SPOCK1: variants seen among roughly 807,000 people sequenced by gnomAD.
SPOCK1 encodes the protein testican-1.
In SPOCK1, 23 loss-of-function variants were observed where a neutral mutation model predicts 55.3. The ratio of observed to expected loss-of-function variants is 0.42; its 90% CI spans 0.30 to 0.59. SPOCK1 has a LOEUF of 0.59. Ranked by LOEUF, SPOCK1 falls within the 20% of genes least tolerant of loss-of-function variation. The pLI is 0.22. For missense variants in SPOCK1, 499 were observed against 552.5 expected, an observed-to-expected ratio of 0.90 and a Z score of 0.97; for synonymous variants, 226 against 221.0, an observed-to-expected ratio of 1.02 and a Z score of -0.20.
chr5:137,104,098 C>A (rs1753318162), intron 5 of SPOCK1, among the ~76,000 whole-genome samples: 2 of 152,240 alleles, frequency 1.3e-5, no homozygotes, highest in South Asian at 4.1e-4. Flanking sequence ...GTGTTCCCAC[C>A]CAAATCTCCT....
intron 4 of SPOCK1, among the ~76,000 whole-genome samples, chr5:137,114,295 G>A (rs4976412): frequency 0.23 from 35,089 of 152,128 alleles, 4,428 homozygotes; most frequent in Non-Finnish European, 0.28. Context: ...ACCTAAAGTC[G>A]TGGAGCTGAT....
At chr5:137,498,970 G>C (rs1266907763) in intron 1 of SPOCK1, among the ~76,000 whole-genome samples, 2 of 151,724 alleles carry the variant, frequency 1.3e-5, no homozygotes, top group African/African-American at 4.8e-5. Context: ...AGCAGCACCC[G>C]AGCTCCGGCA....
At chr5:137,454,870 G>C (rs565946874) in intron 2 of SPOCK1, among the ~76,000 whole-genome samples, 1 of 152,322 alleles carries the variant, frequency 6.6e-6, no homozygotes, top group African/African-American at 2.4e-5. Context: ...TTAGATGCCA[G>C]CTTTTTGGAA....
intron 2 of SPOCK1, among the ~76,000 whole-genome samples, chr5:137,420,085 T>C (rs2149825314): frequency 6.6e-6 from 1 of 152,372 alleles, no homozygotes; most frequent in South Asian, 2.1e-4. Flanking sequence ...TCTGTTTATA[T>C]GCTGGATTAC....
At chr5:137,050,382 C>G (rs1458475804) in intron 6 of SPOCK1, among the ~76,000 whole-genome samples, 2 of 145,276 alleles carry the variant, frequency 1.4e-5, no homozygotes, top group Admixed American at 6.9e-5. Context: ...GCGCAATATT[C>G]GGGTGGGAGT....
chr5:137,003,688 A>T (rs535240495), intron 6 of SPOCK1, among the ~76,000 whole-genome samples: 1 of 152,300 alleles, frequency 6.6e-6, no homozygotes, highest in East Asian at 1.9e-4. Flanking sequence ...ATTATTGAAC[A>T]ATTTTAATTT....
chr5:137,087,553 T>G (rs1298855423), intron 5 of SPOCK1, among the ~76,000 whole-genome samples: 1 of 152,226 alleles, frequency 6.6e-6, no homozygotes, highest in Non-Finnish European at 1.5e-5. Flanking sequence ...GGTCTCTCAC[T>G]CTCAAAAATC....
intron 3 of SPOCK1, among the ~76,000 whole-genome samples, chr5:137,223,302 T>G (rs1455306756): frequency 7.3e-6 from 1 of 136,492 alleles, no homozygotes; most frequent in Non-Finnish European, 1.6e-5. Context: ...TAATGTGCTA[T>G]AACATGAAAA....
rs190290581 is a variant in SPOCK1, at chr5:137,208,529, A to T, written c.232+58481T>A. The stretch of plus-strand genomic sequence containing the variant: ...CACCATGAAATACTATGCAGCTCTT[A>T]AAAAGAATGAAATCACATATTTTGC... On this transcript the variant is annotated intron_variant, in intron 3 of 10. Coordinates refer to ENST00000394945, the MANE Select transcript of SPOCK1 (RefSeq NM_004598.4). Among the ~76,000 whole-genome samples the T allele has an allele frequency of 6.6e-5, 10 of 152,340 alleles. No individual in the cohort carries two copies. The East Asian group carries it at 1.9e-3, about 29-fold the overall frequency.
At chr5:137,262,826 T>C (rs938541909) in intron 3 of SPOCK1, among the ~76,000 whole-genome samples, 30 of 152,112 alleles carry the variant, frequency 2.0e-4, no homozygotes, top group Admixed American at 1.5e-3. Context: ...CAGAGTGGAA[T>C]GGGAAGAAAG....
chr5:137,288,052 A>T (rs896282359), intron 2 of SPOCK1, among the ~76,000 whole-genome samples: 1 of 152,234 alleles, frequency 6.6e-6, no homozygotes, highest in Non-Finnish European at 1.5e-5. Flanking sequence ...CAAATAAGTG[A>T]GCTGTAACAG....
chr5:137,228,657 A>G (rs577621113), intron 3 of SPOCK1, among the ~76,000 whole-genome samples: 2 of 152,144 alleles, frequency 1.3e-5, no homozygotes, highest in South Asian at 4.2e-4. Flanking sequence ...AATAAAAACA[A>G]AAGAAAACAA....
chr5:137,378,913 T>G (rs1221521653), intron 2 of SPOCK1, among the ~76,000 whole-genome samples: 1 of 152,112 alleles, frequency 6.6e-6, no homozygotes, highest in Non-Finnish European at 1.5e-5. Context: ...GGCTTGGAGA[T>G]AGCCATGGAG....
intron 2 of SPOCK1, among the ~76,000 whole-genome samples, chr5:137,350,491 G>A (rs1487148579): frequency 6.6e-6 from 1 of 152,172 alleles, no homozygotes; most frequent in African/African-American, 2.4e-5. Flanking sequence ...GGAGAGGGAT[G>A]AACTCATCTG....
intron 5 of SPOCK1, among the ~76,000 whole-genome samples, chr5:137,073,017 C>T (rs1375289452): frequency 6.6e-6 from 1 of 152,194 alleles, no homozygotes; most frequent in Non-Finnish European, 1.5e-5. Flanking sequence ...GAATAACCAC[C>T]CATTTCTGCA....
intron 4 of SPOCK1, among the ~76,000 whole-genome samples, chr5:137,133,737 A>G (rs190297978): frequency 1.3e-5 from 2 of 152,328 alleles, no homozygotes; most frequent in East Asian, 1.9e-4. Context: ...AAGTAATTAA[A>G]TATCTCTATG....
At chr5:137,271,345 A>G (rs1346803824) in intron 2 of SPOCK1, among the ~76,000 whole-genome samples, 1 of 149,354 alleles carries the variant, frequency 6.7e-6, no homozygotes, top group Admixed American at 6.7e-5. Flanking sequence ...TCAATGAAAA[A>G]GAAAATATGT....
intron 3 of SPOCK1, among the ~76,000 whole-genome samples, chr5:137,202,621 A>C (rs904882904): frequency 3.3e-5 from 5 of 152,248 alleles, no homozygotes; most frequent in African/African-American, 1.2e-4. Context: ...CTTTCAGTTC[A>C]AAAGTCATTT....
intron 2 of SPOCK1, among the ~76,000 whole-genome samples, chr5:137,474,712 G>A (rs760895594): frequency 2.6e-5 from 4 of 152,090 alleles, no homozygotes; most frequent in Non-Finnish European, 5.9e-5. Context: ...GTCAGATTTG[G>A]GACAATTAGT....
Sources: allele counts gnomAD v4.1 joint callset (sites outside exome capture counted in the v4.1 genomes callset), GRCh38; gene constraint gnomAD v4.1.1; transcripts MANE v1.5; gene names NCBI Gene and HGNC (gene_info 2026-07-23, HGNC 2026-07-21).